Variants in TSNARE1 observed in about 807,000 individuals in gnomAD.
TSNARE1 encodes the protein t-SNARE domain-containing protein 1.
Under a neutral mutation model 62.0 loss-of-function variants are expected in TSNARE1, and 49 were observed. That is an observed-to-expected ratio of 0.79 (90% CI 0.63 to 1.00). The LOEUF is 1.00. TSNARE1 is among the 50% of genes least tolerant of loss of function. The pLI is 0.00. For synonymous variants in TSNARE1, 328 were observed against 294.4 expected (o/e 1.11, Z -1.17); for missense variants, 755 against 700.1 (o/e 1.08, Z -0.88).
In TSNARE1 at chr8:142,255,928, ACCATCAC is replaced by A. The variant is rs1462506523; in HGVS notation, c.1446+18846_1446+18852del. On this transcript the variant is annotated intron_variant, in intron 12 of 13. Coordinates refer to ENST00000524325, the MANE Select transcript of TSNARE1 (RefSeq NM_145003.5). ...CACCATCACCACCACCATCACCATC[ACCATCAC>A]CATCACCACCATCATCACCATCACC... Among the ~76,000 whole-genome samples, 220 of 46,392 alleles carry A rather than the reference ACCATCAC, an allele frequency of 4.7e-3. 24 individuals are homozygous for A. The highest frequency in any genetic ancestry group is 0.011 in the Middle Eastern group (1 of 92). The allele number at this position is 46,392 out of a possible 152,430, so 30.4% of individuals were successfully genotyped here. A position where few individuals can be genotyped will look rare whatever the true frequency, so the allele number is the denominator to read the frequency against.
chr8:142,231,514 C>G (rs938275238), intron 12 of TSNARE1, among the ~76,000 whole-genome samples: 3 of 152,220 alleles, frequency 2.0e-5, no homozygotes, highest in Non-Finnish European at 4.4e-5. Flanking sequence ...CTGGCAGGGA[C>G]AGGGCTCTGC....
At chr8:142,272,766 G>T in intron 12 of TSNARE1, 1 of 975,652 alleles carries the variant, frequency 1.0e-6, no homozygotes, top group Non-Finnish European at 1.2e-6. Context: ...ATTCTACGCA[G>T]AGGCGACTTC....
At chr8:142,351,808 G>A (rs1465539262) in intron 2 of TSNARE1, among the ~76,000 whole-genome samples, 1 of 152,206 alleles carries the variant, frequency 6.6e-6, no homozygotes, top group East Asian at 1.9e-4. Flanking sequence ...GTCACTGCAG[G>A]TCTACAGAAG....
chr8:142,281,689 C>A (rs775920078), intron 11 of TSNARE1, among the ~76,000 whole-genome samples: 2 of 152,052 alleles, frequency 1.3e-5, no homozygotes, highest in Non-Finnish European at 2.9e-5. Context: ...CAAGGGCAAC[C>A]CCATAGAGGA....
At chr8:142,322,452 G>C (rs1025532342) in intron 6 of TSNARE1, among the ~76,000 whole-genome samples, 1 of 152,220 alleles carries the variant, frequency 6.6e-6, no homozygotes, top group South Asian at 2.1e-4. Context: ...GAAGCATAAA[G>C]ATTGAAAATG....
chr8:142,221,154 G>A (rs1402643212), intron 13 of TSNARE1, among the ~76,000 whole-genome samples: 1 of 152,174 alleles, frequency 6.6e-6, no homozygotes, highest in East Asian at 1.9e-4. Context: ...CTGAGAAATG[G>A]GGACCTCACA....
chr8:142,298,777 C>A lies in TSNARE1; in HGVS notation c.1290+1709G>T, dbSNP rs141389845. On this transcript the variant is annotated intron_variant, in intron 10 of 13. Coordinates refer to ENST00000524325, the MANE Select transcript of TSNARE1 (RefSeq NM_145003.5). ...AGCCGCCCGAGGGGCTGTGACTGGA[C>A]CTTCCCAGGAGGATCTCAATTCCAG... 6.3e-3 allele frequency among the ~76,000 whole-genome samples: 954 copies of A among 152,306 alleles called. 7 individuals are homozygous for A. The highest frequency in any genetic ancestry group is 0.017 in the Middle Eastern group (5 of 294).
At chr8:142,330,054 C>A (rs1485707308) in intron 6 of TSNARE1, among the ~76,000 whole-genome samples, 1 of 152,218 alleles carries the variant, frequency 6.6e-6, no homozygotes, top group Non-Finnish European at 1.5e-5. Flanking sequence ...GTGTGGCCAC[C>A]AGTTCTGCAC....
rs759122084 is a variant in TSNARE1, at chr8:142,304,170, G to A, written c.1132-3526C>T. Among the ~76,000 whole-genome samples, 29 of 152,378 alleles carry A rather than the reference G, an allele frequency of 1.9e-4. 1 individual carries two copies. Among genetic ancestry groups the A allele is most frequent in the Non-Finnish European group, 3.5e-4 (24 of 68,040 alleles). ...CTGTTGACAAGCGCAACTCGTCCAA[G>A]GTGGTAATTATCACCTCCCCTTCCT... On this transcript the variant is annotated intron_variant, in intron 9 of 13. Coordinates refer to ENST00000524325, the MANE Select transcript of TSNARE1 (RefSeq NM_145003.5).
chr8:142,289,568 C>T (rs762193483), intron 10 of TSNARE1, among the ~76,000 whole-genome samples: 2 of 152,190 alleles, frequency 1.3e-5, no homozygotes, highest in South Asian at 2.1e-4. Context: ...TACGAACACA[C>T]CACTGTGCTG....
At chr8:142,261,555 C>T (rs916353455) in intron 12 of TSNARE1, among the ~76,000 whole-genome samples, 5 of 151,958 alleles carry the variant, frequency 3.3e-5, no homozygotes, top group Admixed American at 6.6e-5. Flanking sequence ...ACTGCACAGG[C>T]GCTGTGATGC....
intron 12 of TSNARE1, among the ~76,000 whole-genome samples, chr8:142,264,330 T>A (rs189375161): frequency 5.4e-4 from 83 of 152,376 alleles, no homozygotes; most frequent in African/African-American, 1.9e-3. Flanking sequence ...TGAAATGTTT[T>A]GACTCTTGCT....
rs368074539 is a variant in TSNARE1 at position 142,288,377 on chromosome 8, GA to G, written c.1291-3893del. 3.6e-4 allele frequency among the ~76,000 whole-genome samples: 55 copies of G among 152,362 alleles called. 1 individual carries two copies. The highest frequency in any genetic ancestry group is 1.3e-3 in the African/African-American group (53 of 41,600). Reference sequence around the variant, plus strand: ...GCGGGCTGGGACACGGTGTTCCCAAGACAGGCAGAGACCCTGTGGTGCCCCC... The same window carrying G: ...GCGGGCTGGGACACGGTGTTCCCAAGCAGGCAGAGACCCTGTGGTGCCCCC... On this transcript the variant is annotated intron_variant, in intron 10 of 13. Coordinates refer to ENST00000524325, the MANE Select transcript of TSNARE1 (RefSeq NM_145003.5).
At chr8:142,306,559 C>G (rs1382876611) in intron 9 of TSNARE1, among the ~76,000 whole-genome samples, 1 of 152,210 alleles carries the variant, frequency 6.6e-6, no homozygotes, top group Non-Finnish European at 1.5e-5. Flanking sequence ...ACAGGCTGAG[C>G]TGCTCACCCC....
At chr8:142,315,831 C>T (rs1176834433) in intron 7 of TSNARE1, among the ~76,000 whole-genome samples, 1 of 152,318 alleles carries the variant, frequency 6.6e-6, no homozygotes. Context: ...CTCTGACAGC[C>T]GAGGGGCACT....
chr8:142,316,751 T>A (rs569529779), intron 7 of TSNARE1, among the ~76,000 whole-genome samples: 1 of 151,848 alleles, frequency 6.6e-6, no homozygotes, highest in South Asian at 2.1e-4. Context: ...AACCATACAC[T>A]GTGCGTTTTC....
In TSNARE1 at chr8:142,389,481, C is replaced by T. The variant is rs187236877; in HGVS notation, c.-40+13623G>A. 2.3e-3 allele frequency among the ~76,000 whole-genome samples: 348 copies of T among 152,324 alleles called. 2 individuals carry two copies. The highest frequency in any genetic ancestry group is 7.5e-3 in the African/African-American group (310 of 41,574). On this transcript the variant is annotated intron_variant, in intron 1 of 13. Coordinates refer to ENST00000524325, the MANE Select transcript of TSNARE1 (RefSeq NM_145003.5). ...GCACTTGTTCTGAACATTTATCCTG[C>T]ACATATATCACACTTAAACATGTGC...
At chr8:142,242,576 C>A (rs1817714164) in intron 12 of TSNARE1, among the ~76,000 whole-genome samples, 1 of 152,148 alleles carries the variant, frequency 6.6e-6, no homozygotes, top group South Asian at 2.1e-4. Flanking sequence ...AGCAAGAAGA[C>A]AAATAACCTG....
intron 13 of TSNARE1, among the ~76,000 whole-genome samples, chr8:142,225,799 G>A (rs562683295): frequency 9.8e-4 from 149 of 152,336 alleles, no homozygotes; most frequent in African/African-American, 3.1e-3. Flanking sequence ...CTACAACCAA[G>A]TACCGTATGC....
Sources: allele counts gnomAD v4.1 joint callset (sites outside exome capture counted in the v4.1 genomes callset), GRCh38; gene constraint gnomAD v4.1.1; transcripts MANE v1.5; gene names NCBI Gene and HGNC (gene_info 2026-07-23, HGNC 2026-07-21).